The following PCDHGA7 variants were observed in gnomAD, a reference collection of about 807,000 sequenced individuals.
PCDHGA7 encodes protocadherin gamma subfamily A, 7.
In PCDHGA7, 44 loss-of-function variants were observed where a neutral mutation model predicts 58.3. The observed-to-expected ratio is 0.75, with a 90% CI of 0.59 to 0.97. PCDHGA7 has a LOEUF of 0.97. Among genes scored for constraint, PCDHGA7 ranks in the 50% least tolerant of loss-of-function variants. PCDHGA7 has a pLI of 0.00. For synonymous variants in PCDHGA7, 516 were observed against 504.2 expected, an observed-to-expected ratio of 1.02 and a Z score of -0.31; for missense variants, 1,266 against 1,188.7, an observed-to-expected ratio of 1.06 and a Z score of -0.96.
chr5:141,505,634 A>T, intron 3 of PCDHGA7, 153 bp downstream of exon 3: 6 of 971,426 alleles, frequency 6.2e-6, no homozygotes, highest in Non-Finnish European at 7.3e-6. Context: ...CCAAACATAA[A>T]GCCTGGAATT....
At chr5:141,387,663 T>G (rs999949836) in intron 1 of PCDHGA7, 6 of 673,368 alleles carry the variant, frequency 8.9e-6, no homozygotes, top group Admixed American at 6.4e-5. Flanking sequence ...AGCTTGGCGC[T>G]CCAGATCTCC....
chr5:141,498,703 G>A (rs961006063), intron 2 of PCDHGA7, among the ~76,000 whole-genome samples: 7 of 152,228 alleles, frequency 4.6e-5, no homozygotes, highest in Non-Finnish European at 8.8e-5. Flanking sequence ...AGGCTGAGGT[G>A]GGTGGATCAC....
At position 141,409,239 on chromosome 5, in the gene PCDHGA7, A is replaced by C. The variant is rs1330242516; in HGVS notation, c.2424+23916A>C. The C allele has an allele frequency of 5.0e-6, 8 of 1,613,920 alleles. No individual in the cohort carries two copies. In the Admixed American group the frequency reaches 1.3e-4, roughly 27 times the overall value. On this transcript the variant is annotated intron_variant, in intron 1 of 3. Transcript: ENST00000518325. ...CTTGATGAAAACGACAACAGCCCAG[A>C]AATAATCATCACTTCTCTCTCTGAT... is the stretch of plus-strand genomic sequence containing the variant.
chr5:141,410,569 T>C (rs908906606), intron 1 of PCDHGA7: 1 of 1,612,242 alleles, frequency 6.2e-7, no homozygotes, highest in African/African-American at 1.3e-5. Context: ...GAGCCTTAAT[T>C]CCACCTCATG....
intron 1 of PCDHGA7, chr5:141,394,779 G>A (rs1561651112): frequency 6.2e-7 from 1 of 1,613,590 alleles, no homozygotes; most frequent in Admixed American, 1.7e-5. Context: ...CCCTCTCTCC[G>A]CCACTGTCAC....
At chr5:141,423,094 C>CGCGTGCGT (rs2096708722) in intron 1 of PCDHGA7, 4 of 1,613,860 alleles carry the variant, frequency 2.5e-6, no homozygotes, top group African/African-American at 2.7e-5. Flanking sequence ...GGTGGGGGAG[C>CGCGTGCGT]ACACGGGCGA....
chr5:141,442,457 T>G (rs1209684998), intron 1 of PCDHGA7: 1 of 152,268 alleles, frequency 6.6e-6, no homozygotes, highest in African/African-American at 2.4e-5. Context: ...AATAGCAGTT[T>G]CACTGCAGAA....
chr5:141,508,790 C>T (rs1181979966), intron 3 of PCDHGA7, among the ~76,000 whole-genome samples: 1 of 152,072 alleles, frequency 6.6e-6, no homozygotes, highest in African/African-American at 2.4e-5. Flanking sequence ...CCCTAAATCA[C>T]TCTGGAATCC....
Position 141,387,745 on chromosome 5 carries a change from C to T in PCDHGA7, c.2424+2422C>T, listed in dbSNP as rs933790239. On this transcript the variant is annotated intron_variant, in intron 1 of 3. Coordinates refer to ENST00000518325, the MANE Select transcript of PCDHGA7 (RefSeq NM_018920.4). ...CCCAGCGCCAGCCTTTACACCGCTT[C>T]CTCCTCGGAAAAAGAAGAATTTTTT... 4 of 1,355,066 alleles carry T rather than the reference C, an allele frequency of 3.0e-6. No homozygotes were observed. In the Admixed American group the frequency reaches 8.1e-5, roughly 28 times the overall value. 83.9% of individuals were successfully genotyped at this position (1,355,066 alleles called of 1,614,324 possible).
chr5:141,448,704 G>A (rs1272148301), intron 1 of PCDHGA7, among the ~76,000 whole-genome samples: 1 of 152,134 alleles, frequency 6.6e-6, no homozygotes. Flanking sequence ...ACTTTGGGAG[G>A]CCGAGGCGGG....
At chr5:141,415,801 A>G (rs560476453) in intron 1 of PCDHGA7, 12 of 1,373,384 alleles carry the variant, frequency 8.7e-6, no homozygotes, top group East Asian at 5.3e-5. Flanking sequence ...CCTAGTCTCA[A>G]TCAAGGCCTA....
intron 1 of PCDHGA7, chr5:141,429,047 GGTTTCACC>G (rs1254088441): frequency 1.3e-5 from 2 of 152,034 alleles, no homozygotes; most frequent in Non-Finnish European, 2.9e-5. Flanking sequence ...GTACAGACGG[GGTTTCACC>G]GTGTTAGCCA....
chr5:141,455,343 G>A (rs1462807460), intron 1 of PCDHGA7, among the ~76,000 whole-genome samples: 1 of 152,036 alleles, frequency 6.6e-6, no homozygotes, highest in African/African-American at 2.4e-5. Flanking sequence ...TTTAAGGAGC[G>A]GAGAGTTTAA....
intron 1 of PCDHGA7, chr5:141,405,253 C>T (rs78501291): frequency 0.034 from 55,338 of 1,614,052 alleles, 1,052 homozygotes; most frequent in Middle Eastern, 0.098. Flanking sequence ...GGAAGAGTCA[C>T]CTGATCTTCC....
intron 1 of PCDHGA7, chr5:141,405,493 C>T: frequency 1.2e-6 from 1 of 841,642 alleles, no homozygotes; most frequent in Middle Eastern, 3.1e-4. Flanking sequence ...GATCTCGGCT[C>T]ATTGCAACCT....
At chr5:141,470,815 G>A (rs891225908) in intron 1 of PCDHGA7, among the ~76,000 whole-genome samples, 1 of 151,980 alleles carries the variant, frequency 6.6e-6, no homozygotes, top group African/African-American at 2.4e-5. Flanking sequence ...AGCCTTCTGA[G>A]TAGTTAGGAC....
intron 1 of PCDHGA7, chr5:141,419,005 C>G: frequency 6.2e-7 from 1 of 1,613,944 alleles, no homozygotes; most frequent in Non-Finnish European, 8.5e-7. Context: ...ATGGGGAAGT[C>G]AGGTGTAGCT....
Position 141,491,244 on chromosome 5 carries a change from T to A in PCDHGA7, c.2425-3563T>A. 1 of 1,614,210 alleles carries A rather than the reference T, an allele frequency of 6.2e-7. No individual in the cohort carries two copies. Among genetic ancestry groups the A allele is most frequent in the Non-Finnish European group, 8.5e-7 (1 of 1,180,024 alleles). On this transcript the variant is annotated intron_variant, in intron 1 of 3. Coordinates refer to ENST00000518325, the MANE Select transcript of PCDHGA7 (RefSeq NM_018920.4). This position sits in a 1 kb window ranked among gnomAD's most constrained non-coding sequence, Gnocchi z 6.9. ...CCACAGTGCTGCTGGTTCTGGAGGA[T>A]GAGGACCCTGAGGAAATGCCCAAAT...
At chr5:141,478,735 G>T in intron 1 of PCDHGA7, 1 of 1,535,968 alleles carries the variant, frequency 6.5e-7, no homozygotes, top group Non-Finnish European at 8.8e-7. Flanking sequence ...AGTGTGGTTT[G>T]TGGTCCCATT....
Sources: gnomAD v4.1 joint callset for allele counts (sites outside exome capture counted in the v4.1 genomes callset) on GRCh38, gnomAD v4.1.1 for gene constraint, Gnocchi (gnomAD v3.1) non-coding constraint, MANE v1.5 for transcripts, NCBI Gene and HGNC (gene_info 2026-07-23, HGNC 2026-07-21) for gene names.